The following ATAD2B variants were observed in gnomAD, a reference collection of about 807,000 sequenced individuals.
ATAD2B encodes the protein ATPase family AAA domain-containing protein 2B.
ATAD2B carries 40 observed loss-of-function variants against 167.6 expected under a neutral mutation model. The observed-to-expected ratio is 0.24, with a 90% CI of 0.19 to 0.31. The LOEUF is 0.31. ATAD2B is among the 10% of genes least tolerant of loss of function. The probability of loss-of-function intolerance (pLI) is 1.00; values close to 1 mark genes in which losing one functional copy is unlikely to be tolerated. For missense variants in ATAD2B, 1,242 were observed against 1,757.2 expected (o/e 0.71, Z 5.24); for synonymous variants, 579 against 596.5 (o/e 0.97, Z 0.43).
At chr2:23,695,380 T>C in the ATAD2B span, among the ~76,000 whole-genome samples, 1 of 152,100 alleles carries the variant, frequency 6.6e-6, no homozygotes, top group Non-Finnish European at 1.5e-5. The surrounding 1 kb of genome is among the most constrained non-coding windows in gnomAD (Gnocchi z 7.6). Context: ...CTCCCACTCC[T>C]GCAGGGCTGG....
chr2:23,822,789 G>A (rs1438160066), intron 16 of ATAD2B, among the ~76,000 whole-genome samples: 5 of 150,974 alleles, frequency 3.3e-5, no homozygotes, highest in Non-Finnish European at 5.9e-5. Context: ...GTGGTGGCAG[G>A]TGCCTGAAAT....
At chr2:23,830,944 AAATT>A (rs1688954087) in intron 14 of ATAD2B, among the ~76,000 whole-genome samples, 1 of 152,168 alleles carries the variant, frequency 6.6e-6, no homozygotes, top group African/African-American at 2.4e-5. Context: ...TAAAGTAATG[AAATT>A]AATTATCTAA....
chr2:23,747,323 T>C (rs776698124), downstream of ATAD2B, among the ~76,000 whole-genome samples: 20 of 151,242 alleles, frequency 1.3e-4, no homozygotes, highest in Non-Finnish European at 2.7e-4. Context: ...GTGTAATATA[T>C]ATATATTACA....
chr2:23,690,394 C>T, the ATAD2B span: 1 of 152,258 alleles, frequency 6.6e-6, no homozygotes, highest in African/African-American at 2.4e-5. Context: ...CTCCCTGCCC[C>T]CTGCTCTTTC....
intron 1 of ATAD2B, among the ~76,000 whole-genome samples, chr2:23,920,150 C>CAAA (rs58552045): frequency 7.2e-6 from 1 of 139,280 alleles, no homozygotes; most frequent in Non-Finnish European, 1.6e-5. Context: ...GACTCTGCCT[C>CAAA]AAAAAAAAAA....
At chr2:23,682,754 C>A in the ATAD2B span, among the ~76,000 whole-genome samples, 9 of 152,286 alleles carry the variant, frequency 5.9e-5, no homozygotes, top group Admixed American at 2.0e-4. This position sits in a 1 kb window ranked among gnomAD's most constrained non-coding sequence, Gnocchi z 4.1. Context: ...GCTCCCACCC[C>A]CCTTGCTCCG....
intron 1 of ATAD2B, among the ~76,000 whole-genome samples, chr2:23,909,163 G>A (rs1160346167): frequency 4.0e-5 from 6 of 151,506 alleles, no homozygotes; most frequent in Non-Finnish European, 8.8e-5. Flanking sequence ...AAGGCTCCTG[G>A]TCAACAGTGT....
intron 23 of ATAD2B, among the ~76,000 whole-genome samples, chr2:23,763,707 G>A (rs1052936800): frequency 3.3e-5 from 5 of 151,882 alleles, no homozygotes; most frequent in African/African-American, 4.8e-5. Flanking sequence ...CTCCCAACTC[G>A]GCCTTCCAAA....
intron 2 of ATAD2B, among the ~76,000 whole-genome samples, chr2:23,891,539 A>T (rs1699486860): frequency 6.6e-6 from 1 of 151,936 alleles, no homozygotes; most frequent in South Asian, 2.1e-4. Context: ...TCTGTCGCCC[A>T]CGGTGGAGTG....
At chr2:23,704,595 C>T in the ATAD2B span, among the ~76,000 whole-genome samples, 1 of 152,162 alleles carries the variant, frequency 6.6e-6, no homozygotes, top group South Asian at 2.1e-4. Context: ...GGTAAAACCC[C>T]GACTCTACTA....
At position 23,880,700 on chromosome 2, in the gene ATAD2B, A is replaced by G. The variant is rs1697750795; in HGVS notation, c.840T>C (p.Asn280=). The part of the protein sequence containing the change: ...IEVEEAEGEE[N]DRPYNLRQRK... ...TCTGTCTCAAATTATATGGTCTATC[A>G]TTTTCTTCTCCTTCTGCCTCTTCAA... Residue 280 remains asparagine, a synonymous_variant, in exon 7 of 28, where the codon AAT becomes AAC. Coordinates refer to ENST00000238789, the MANE Select transcript of ATAD2B (RefSeq NM_017552.4). 6.2e-7 allele frequency: 1 copy of G among 1,610,616 alleles called. No homozygotes were observed. Among genetic ancestry groups the G allele is most frequent in the Admixed American group, 1.7e-5 (1 of 59,554 alleles).
rs569005960 is a variant in ATAD2B, at chr2:23,757,981, T to A, written c.3515A>T (p.His1172Leu). 6.2e-7 allele frequency: 1 copy of A among 1,613,638 alleles called. No individual in the cohort carries two copies. Among genetic ancestry groups the A allele is most frequent in the Admixed American group, 1.7e-5 (1 of 59,986 alleles). The change falls in exon 25 of 28, where the codon CAT (histidine) becomes CTT (leucine). Residue 1172 changes from histidine (H) to leucine (L), a missense_variant. His to Leu is a moderately conservative substitution (Grantham distance 99, BLOSUM62 -3). This residue lies in a region of ATAD2B where 282 missense variants were observed against 346.8 expected (regional missense o/e 0.81). Transcript: ENST00000238789. ...CTCTAATAATTTCCTGTCCTCCGTA[T>A]GGTTCTCATAGTCTGCAAATTTGGT... ...EDTKFADYENHTEDRKLLENG... is the reference protein window; with the variant it reads ...EDTKFADYENLTEDRKLLENG...
At chr2:23,784,862 T>C (rs1680585494) in intron 21 of ATAD2B, among the ~76,000 whole-genome samples, 1 of 151,944 alleles carries the variant, frequency 6.6e-6, no homozygotes. Flanking sequence ...TGGAAAGATA[T>C]AAAGTAGCTA....
intron 13 of ATAD2B, among the ~76,000 whole-genome samples, chr2:23,857,188 T>C (rs1170411813): frequency 6.6e-6 from 1 of 152,246 alleles, no homozygotes; most frequent in East Asian, 1.9e-4. Context: ...GGAATGAACA[T>C]GGTTGTATTC....
chr2:23,883,862 G>C (rs2150242314), intron 6 of ATAD2B, among the ~76,000 whole-genome samples: 1 of 152,270 alleles, frequency 6.6e-6, no homozygotes, highest in Middle Eastern at 3.4e-3. Flanking sequence ...ATTAATGCCA[G>C]GCCGGGTGCA....
rs567020984 is a variant in ATAD2B at position 23,787,149 on chromosome 2, C to T, written c.2777-926G>A. On this transcript the variant is annotated intron_variant, in intron 20 of 27. Transcript: ENST00000238789. ...AAAATCCATGGTACTCACTATCTAT[C>T]CTAAGAAAAACAAAAAATCTTCTTA... is the stretch of plus-strand genomic sequence containing the variant. Among the ~76,000 whole-genome samples the T allele has an allele frequency of 2.0e-5, 3 of 151,916 alleles. No individual in the cohort carries two copies. The South Asian group carries it at 6.2e-4, about 32-fold the overall frequency.
At position 23,865,420 on chromosome 2, in the gene ATAD2B, T is replaced by C. The variant is rs575657257; in HGVS notation, c.1189-496A>G. The stretch of plus-strand genomic sequence containing the variant: ...GGCGCACGCCTGTAATCCCAGCTAC[T>C]TGGGAGGCTGAGGCAGGAGAATAGC... On this transcript the variant is annotated intron_variant, in intron 10 of 27. Coordinates refer to ENST00000238789, the MANE Select transcript of ATAD2B (RefSeq NM_017552.4). Among the ~76,000 whole-genome samples the C allele has an allele frequency of 8.6e-5, 13 of 152,020 alleles. 1 individual carries two copies. The South Asian group carries it at 2.1e-3, about 24-fold the overall frequency.
rs1680769352 is a variant in ATAD2B, at chr2:23,786,124, G to A, written c.2876C>T (p.Thr959Ile). ...GAGAAACAACCGCAACTCTCTTAAA[G>A]TATTTTCCTCCTGGTCCTCCATTCG... is the stretch of plus-strand genomic sequence containing the variant. Reference protein sequence around the residue: ...KSRMEDQEENTLRELRLFLRD... With the variant: ...KSRMEDQEENILRELRLFLRD... Residue 959 changes from threonine (T) to isoleucine (I), a missense_variant, in exon 21 of 28, where the codon ACT becomes ATT. Physicochemically the swap from Thr to Ile is moderately conservative, Grantham distance 89 (BLOSUM62 -1). Around this residue, in one of 9 missense-constraint regions of ATAD2B, gnomAD observed 204 missense variants for 324.0 expected, o/e 0.63. Coordinates refer to ENST00000238789, the MANE Select transcript of ATAD2B (RefSeq NM_017552.4). 3.1e-6 allele frequency: 5 copies of A among 1,609,884 alleles called. 1 individual carries two copies. Among genetic ancestry groups the A allele is most frequent in the African/African-American group, 1.3e-5 (1 of 74,924 alleles).
chr2:23,825,109 A>AT (rs70941593), intron 15 of ATAD2B, among the ~76,000 whole-genome samples: 55,371 of 111,516 alleles, frequency 0.5, 14,959 homozygotes, highest in East Asian at 0.71. Flanking sequence ...CATCAGGCTA[A>AT]TTTTTTTTTT....
Sources: gnomAD v4.1 joint callset for allele counts (sites outside exome capture counted in the v4.1 genomes callset) on GRCh38, gnomAD v4.1.1 for gene constraint, gnomAD v4.1.1 regional missense constraint, Gnocchi (gnomAD v3.1) non-coding constraint, MANE v1.5 for transcripts, NCBI Gene and HGNC (gene_info 2026-07-23, HGNC 2026-07-21) for gene names.